The following RPS6KA5 variants were observed in gnomAD, a reference collection of about 807,000 sequenced individuals.
The protein encoded by RPS6KA5 is ribosomal protein S6 kinase alpha-5.
A neutral mutation model predicts 85.5 loss-of-function variants in RPS6KA5; 27 were observed. That is an observed-to-expected ratio of 0.32 (90% CI 0.23 to 0.44). RPS6KA5 has a LOEUF of 0.44. Among genes scored for constraint, RPS6KA5 ranks in the 20% least tolerant of loss-of-function variants. The pLI is 1.00. For missense variants in RPS6KA5, 811 were observed against 980.9 expected (o/e 0.83, Z 2.31); for synonymous variants, 334 against 348.2 (o/e 0.96, Z 0.46).
intron 1 of RPS6KA5, among the ~76,000 whole-genome samples, chr14:91,009,779 G>A (rs1411956023): frequency 6.6e-6 from 1 of 152,138 alleles, no homozygotes; most frequent in African/African-American, 2.4e-5. Flanking sequence ...ATCATGCACA[G>A]AGTTACTAGG....
At chr14:91,049,498 C>T (rs2042986545) in intron 1 of RPS6KA5, among the ~76,000 whole-genome samples, 2 of 152,034 alleles carry the variant, frequency 1.3e-5, no homozygotes, top group Admixed American at 1.3e-4. Flanking sequence ...GCCTGTAGTC[C>T]CAGCTACTCG....
At chr14:90,995,173 C>T (rs1188145529) in intron 2 of RPS6KA5, among the ~76,000 whole-genome samples, 2 of 152,072 alleles carry the variant, frequency 1.3e-5, no homozygotes, top group East Asian at 3.9e-4. Context: ...TTACAGGTGC[C>T]CGCCACAACG....
Position 90,966,684 on chromosome 14 carries a change from T to A in RPS6KA5, c.394+11622A>T, listed in dbSNP as rs114242758. Among the ~76,000 whole-genome samples, 654 of 152,322 alleles carry A rather than the reference T, an allele frequency of 4.3e-3. 9 individuals carry two copies. The highest frequency in any genetic ancestry group is 0.015 in the African/African-American group (611 of 41,576). On this transcript the variant is annotated intron_variant, in intron 3 of 16. Transcript: ENST00000614987. Reference sequence around the variant, plus strand: ...AGGCAGACTAAAGTCCAAGGACAATTTTCTCTCTGCCAGGCACAGGGTCTA... The same window carrying A: ...AGGCAGACTAAAGTCCAAGGACAATATTCTCTCTGCCAGGCACAGGGTCTA...
intron 3 of RPS6KA5, among the ~76,000 whole-genome samples, chr14:90,950,248 A>G (rs550175301): frequency 2.6e-5 from 4 of 152,338 alleles, no homozygotes; most frequent in South Asian, 4.1e-4. Context: ...GTATAGAAAT[A>G]TATTTGATTT....
chr14:90,974,037 C>CAAAAAAA (rs56212923), intron 3 of RPS6KA5, among the ~76,000 whole-genome samples: 30,770 of 60,916 alleles, frequency 0.51, 9,288 homozygotes, highest in East Asian at 0.82. Flanking sequence ...GACTCCATCT[C>CAAAAAAA]AAAAAAAAAA....
chr14:91,026,911 T>C (rs1004126887), intron 1 of RPS6KA5, among the ~76,000 whole-genome samples: 15 of 152,214 alleles, frequency 9.9e-5, no homozygotes, highest in African/African-American at 3.6e-4. Flanking sequence ...TGTTGGCCAC[T>C]TGCATGTCTT....
intron 1 of RPS6KA5, among the ~76,000 whole-genome samples, chr14:91,022,487 GC>G (rs2041825671): frequency 6.6e-6 from 1 of 152,132 alleles, no homozygotes; most frequent in Non-Finnish European, 1.5e-5. Context: ...CAGAGTGGCA[GC>G]AACTAGAGGA....
chr14:90,947,428 G>A lies in RPS6KA5; in HGVS notation c.510+7C>T, dbSNP rs760107943. On this transcript the variant is annotated splice_region_variant and intron_variant, in intron 4 of 16. Coordinates refer to ENST00000614987, the MANE Select transcript of RPS6KA5 (RefSeq NM_004755.4). ...AGAAAAGAAACCTGAAAAATGAAGAGTCTTACCTTGTGGAGATGTTCGAGG... is the reference window on the plus strand; with the variant it reads ...AGAAAAGAAACCTGAAAAATGAAGAATCTTACCTTGTGGAGATGTTCGAGG... 1.3e-6 allele frequency: 2 copies of A among 1,525,742 alleles called. No homozygotes were observed. Among genetic ancestry groups the A allele is most frequent in the East Asian group, 2.3e-5 (1 of 44,344 alleles). The allele number at this position is 1,525,742 out of a possible 1,614,324, so 94.5% of individuals were successfully genotyped here. A position where few individuals can be genotyped will look rare whatever the true frequency, so the allele number is the denominator to read the frequency against.
chr14:90,980,060 C>T (rs1279158997), intron 2 of RPS6KA5, among the ~76,000 whole-genome samples: 1 of 152,138 alleles, frequency 6.6e-6, no homozygotes, highest in African/African-American at 2.4e-5. Context: ...CATCGGAAAT[C>T]CAATAATTAT....
intron 2 of RPS6KA5, among the ~76,000 whole-genome samples, chr14:90,990,432 A>T (rs908047821): frequency 2.0e-5 from 3 of 152,238 alleles, no homozygotes; most frequent in African/African-American, 2.4e-5. Context: ...TGCTAGTGGG[A>T]ATGTAAATTA....
rs915510428 is a variant in RPS6KA5 at position 90,850,472 on chromosome 14, A to AAAC, written c.*21601_*21602insGTT. 2 of 151,536 alleles carry AAAC rather than the reference A, an allele frequency of 1.3e-5. No individual in the cohort carries two copies. The highest frequency in any genetic ancestry group is 4.8e-5 in the African/African-American group (2 of 41,394). 9.4% of individuals were successfully genotyped at this position (151,536 alleles called of 1,614,324 possible). ...AATGTGGGAAACCATACAAAAAAAAAAAAAAAAAACAGAAAATATTACATA... is the reference window on the plus strand; with the variant it reads ...AATGTGGGAAACCATACAAAAAAAAAAACAAAAAAAAACAGAAAATATTACATA... On this transcript the variant is annotated 3_prime_UTR_variant, in exon 17 of 17. Coordinates refer to ENST00000614987, the MANE Select transcript of RPS6KA5 (RefSeq NM_004755.4).
chr14:91,042,000 A>G (rs1453538244), intron 1 of RPS6KA5, among the ~76,000 whole-genome samples: 1 of 152,216 alleles, frequency 6.6e-6, no homozygotes, highest in Non-Finnish European at 1.5e-5. Context: ...ACTAAATATA[A>G]AACACTTCAA....
rs1480137975 is a variant in RPS6KA5, at chr14:90,855,051, CAA to C, written c.*17021_*17022del. 6.6e-6 allele frequency: 1 copy of C among 152,050 alleles called. No homozygotes were observed. Among genetic ancestry groups the C allele is most frequent in the Admixed American group, 6.6e-5 (1 of 15,264 alleles). The allele number at this position is 152,050 out of a possible 1,614,324, so 9.4% of individuals were successfully genotyped here. ...TTTCATCTCTTTGCTTTGCCAGGAA[CAA>C]AGTTTCAAGTGATATCTCCATCAGC... On this transcript the variant is annotated 3_prime_UTR_variant, in exon 17 of 17. Coordinates refer to ENST00000614987, the MANE Select transcript of RPS6KA5 (RefSeq NM_004755.4).
In RPS6KA5 at chr14:90,854,724, A is replaced by G. The variant is rs552085573; in HGVS notation, c.*17350T>C. ...TACATTATCTTCTAAGCCCATTCTT[A>G]TTTTTAAAAATATGTACAACTAGAC... is the stretch of plus-strand genomic sequence containing the variant. On this transcript the variant is annotated 3_prime_UTR_variant, in exon 17 of 17. Transcript: ENST00000614987. 6.6e-6 allele frequency: 1 copy of G among 152,254 alleles called. No homozygotes were observed. The highest frequency in any genetic ancestry group is 2.4e-5 in the African/African-American group (1 of 41,500). 9.4% of individuals were successfully genotyped at this position (152,254 alleles called of 1,614,324 possible). A position where few individuals can be genotyped will look rare whatever the true frequency, so the allele number is the denominator to read the frequency against.
At chr14:91,025,659 T>TAA (rs202185192) in intron 1 of RPS6KA5, among the ~76,000 whole-genome samples, 1 of 143,634 alleles carries the variant, frequency 7.0e-6, no homozygotes, top group South Asian at 2.2e-4. Context: ...TCTGAAGTTC[T>TAA]AAAAAAAAAA....
intron 1 of RPS6KA5, among the ~76,000 whole-genome samples, chr14:91,022,958 G>A (rs1328063027): frequency 1.3e-5 from 2 of 151,746 alleles, no homozygotes; most frequent in Non-Finnish European, 2.9e-5. Context: ...GGTGGCGCAC[G>A]CCTGTAATCC....
rs2031917031 is a variant in RPS6KA5, at chr14:90,850,103, TG to T, written c.*21970del. Reference sequence around the variant, plus strand: ...ACACTCTGGCACTTTTTTTCTAGTCTGGGAAGGGATCTGTGGGCTTTCTACA... The same window carrying T: ...ACACTCTGGCACTTTTTTTCTAGTCTGGAAGGGATCTGTGGGCTTTCTACA... On this transcript the variant is annotated 3_prime_UTR_variant, in exon 17 of 17. Coordinates refer to ENST00000614987, the MANE Select transcript of RPS6KA5 (RefSeq NM_004755.4). 6.6e-6 allele frequency: 1 copy of T among 152,240 alleles called. No homozygotes were observed. The highest frequency in any genetic ancestry group is 2.1e-4 in the South Asian group (1 of 4,832). The allele number at this position is 152,240 out of a possible 1,614,324, so 9.4% of individuals were successfully genotyped here.
chr14:90,848,172 A>G lies in RPS6KA5; in HGVS notation c.*23902T>C, dbSNP rs2031811745. On this transcript the variant is annotated 3_prime_UTR_variant, in exon 17 of 17. Transcript: ENST00000614987. Reference sequence around the variant, plus strand: ...TTATAACTGTTAAAGACAAGTAGCTATAGAATTCTGAAAATTCTCAATAAA... The same window carrying G: ...TTATAACTGTTAAAGACAAGTAGCTGTAGAATTCTGAAAATTCTCAATAAA... 6.6e-6 allele frequency: 1 copy of G among 152,262 alleles called. No individual in the cohort carries two copies. The highest frequency in any genetic ancestry group is 2.4e-5 in the African/African-American group (1 of 41,470). 9.4% of individuals were successfully genotyped at this position (152,262 alleles called of 1,614,324 possible). A position where few individuals can be genotyped will look rare whatever the true frequency, so the allele number is the denominator to read the frequency against.
At chr14:91,031,143 A>G (rs1001094012) in intron 1 of RPS6KA5, among the ~76,000 whole-genome samples, 1 of 152,188 alleles carries the variant, frequency 6.6e-6, no homozygotes, top group Non-Finnish European at 1.5e-5. Context: ...AATAGGTCAC[A>G]TACAAACCAC....
Sources: allele counts gnomAD v4.1 joint callset (sites outside exome capture counted in the v4.1 genomes callset), GRCh38; gene constraint gnomAD v4.1.1; transcripts MANE v1.5; gene names NCBI Gene and HGNC (gene_info 2026-07-23, HGNC 2026-07-21).